The following CDK14 variants were observed in gnomAD, a reference collection of about 807,000 sequenced individuals.
The protein encoded by CDK14 is cyclin dependent kinase 14.
CDK14 carries 34 observed loss-of-function variants against 60.7 expected under a neutral mutation model. The ratio of observed to expected loss-of-function variants is 0.56; its 90% CI spans 0.43 to 0.75. The LOEUF is 0.75. Among genes scored for constraint, CDK14 ranks in the 30% least tolerant of loss-of-function variants. The pLI, the probability that CDK14 is intolerant of heterozygous loss-of-function variation, is 0.00. For missense variants in CDK14, 482 were observed against 564.1 expected, an observed-to-expected ratio of 0.85 and a Z score of 1.47; for synonymous variants, 197 against 203.7, an observed-to-expected ratio of 0.97 and a Z score of 0.28.
At chr7:90,655,551 A>G (rs900138921) in intron 2 of CDK14, among the ~76,000 whole-genome samples, 1 of 152,230 alleles carries the variant, frequency 6.6e-6, no homozygotes, top group African/African-American at 2.4e-5. Flanking sequence ...TGATCTGAGA[A>G]TTAGAGTTGA....
chr7:90,930,038 T>G (rs1051289013), intron 8 of CDK14, among the ~76,000 whole-genome samples: 2 of 152,196 alleles, frequency 1.3e-5, no homozygotes, highest in South Asian at 4.1e-4. Context: ...GATGCTCTGT[T>G]CAACAGTAAA....
At position 91,112,522 on chromosome 7, in the gene CDK14, T is replaced by A. The variant is rs1799493242; in HGVS notation, c.1155-20T>A. ...ATTTTCTTGTTTGGTCTGACCTCTC[T>A]TTTTTGCTCATGTTTTTAGGCTCAG... On this transcript the variant is annotated intron_variant, in intron 12 of 14. Coordinates refer to ENST00000380050, the MANE Select transcript of CDK14 (RefSeq NM_001287135.2). 6.2e-7 allele frequency: 1 copy of A among 1,606,820 alleles called. No homozygotes were observed. Among genetic ancestry groups the A allele is most frequent in the South Asian group, 1.1e-5 (1 of 90,444 alleles).
intron 12 of CDK14, among the ~76,000 whole-genome samples, chr7:91,105,035 C>A (rs1019206145): frequency 2.0e-5 from 3 of 152,158 alleles, no homozygotes; most frequent in Non-Finnish European, 4.4e-5. Flanking sequence ...TTCTACTACT[C>A]CTAGTACTAA....
intron 2 of CDK14, among the ~76,000 whole-genome samples, chr7:90,684,758 T>G (rs573183085): frequency 2.0e-4 from 31 of 152,168 alleles, no homozygotes; most frequent in Non-Finnish European, 2.4e-4. Flanking sequence ...GTGTTTATGG[T>G]TCTTTAAAAC....
rs866268923 is a variant in CDK14, at chr7:90,879,728, G to A, written c.639+16459G>A. Among the ~76,000 whole-genome samples the A allele has an allele frequency of 4.6e-5, 7 of 151,692 alleles. No individual in the cohort carries two copies. The South Asian group carries it at 1.5e-3, about 32-fold the overall frequency. ...CTGCACATTGTGCACATGTACCCTA[G>A]AACTTAAAGTATAATGATAAAAAAT... On this transcript the variant is annotated intron_variant, in intron 6 of 14. Transcript: ENST00000380050.
At chr7:90,928,763 C>A (rs150455604) in intron 8 of CDK14, among the ~76,000 whole-genome samples, 1 of 152,162 alleles carries the variant, frequency 6.6e-6, no homozygotes, top group East Asian at 1.9e-4. Context: ...CAGACAGGGA[C>A]GTTTAAGTCT....
At chr7:91,070,234 C>T (rs999086412) in intron 11 of CDK14, among the ~76,000 whole-genome samples, 1 of 150,736 alleles carries the variant, frequency 6.6e-6, no homozygotes, top group Non-Finnish European at 1.5e-5. Flanking sequence ...AAAATTAACT[C>T]ATTTATTTTG....
At chr7:91,086,053 G>T (rs1012503408) in intron 12 of CDK14, among the ~76,000 whole-genome samples, 1 of 152,108 alleles carries the variant, frequency 6.6e-6, no homozygotes, top group African/African-American at 2.4e-5. Context: ...CTGCCATATT[G>T]GGTGACACAA....
chr7:90,655,832 A>G (rs1016740958), intron 2 of CDK14, among the ~76,000 whole-genome samples: 8 of 152,184 alleles, frequency 5.3e-5, no homozygotes, highest in Non-Finnish European at 1.5e-5. Context: ...ACCTTTCATC[A>G]GAGACTTTGA....
chr7:91,154,064 C>T (rs191693322), intron 14 of CDK14, among the ~76,000 whole-genome samples: 1 of 152,136 alleles, frequency 6.6e-6, no homozygotes. Flanking sequence ...GAAAATAAAT[C>T]TCTTAAAGTC....
chr7:91,179,370 A>T (rs10245644), intron 14 of CDK14, among the ~76,000 whole-genome samples: 38,555 of 86,630 alleles, frequency 0.45, 7,009 homozygotes, highest in Middle Eastern at 0.54. Flanking sequence ...GGGGGGAGGG[A>T]GGAGGGATAG....
At chr7:90,895,339 T>TCCCCTCC (rs1792265297) in intron 6 of CDK14, among the ~76,000 whole-genome samples, 1 of 87,982 alleles carries the variant, frequency 1.1e-5, no homozygotes, top group African/African-American at 4.6e-5. Flanking sequence ...TCCTCTCCTC[T>TCCCCTCC]CCTCTCCTCT....
chr7:91,037,379 CAT>C (rs1250352196), intron 10 of CDK14, among the ~76,000 whole-genome samples: 3 of 152,050 alleles, frequency 2.0e-5, no homozygotes, highest in Non-Finnish European at 2.9e-5. Flanking sequence ...ACCTGCATCA[CAT>C]GTCTTATAGA....
intron 3 of CDK14, among the ~76,000 whole-genome samples, chr7:90,739,184 T>C (rs1237444480): frequency 6.6e-6 from 1 of 152,216 alleles, no homozygotes; most frequent in Non-Finnish European, 1.5e-5. Flanking sequence ...TAAGTTACAG[T>C]GTATTTCCAC....
At chr7:90,908,556 G>T (rs117354172) in intron 7 of CDK14, among the ~76,000 whole-genome samples, 3,639 of 152,202 alleles carry the variant, frequency 0.024, 52 homozygotes, top group African/African-American at 0.037. Flanking sequence ...CTTTACACTC[G>T]TCACCTTGCC....
At chr7:90,910,522 G>A (rs1562824234) in intron 7 of CDK14, among the ~76,000 whole-genome samples, 3 of 152,102 alleles carry the variant, frequency 2.0e-5, no homozygotes, top group East Asian at 1.9e-4. Context: ...TAAATGATAC[G>A]GCGTTAAATA....
At chr7:91,125,151 A>G (rs573817555) in intron 14 of CDK14, among the ~76,000 whole-genome samples, 2 of 152,250 alleles carry the variant, frequency 1.3e-5, no homozygotes, top group South Asian at 4.1e-4. Flanking sequence ...GCTGAAAACT[A>G]TTCCCGCTGT....
chr7:91,141,060 G>A (rs1394680873), intron 14 of CDK14, among the ~76,000 whole-genome samples: 1 of 152,184 alleles, frequency 6.6e-6, no homozygotes, highest in African/African-American at 2.4e-5. Context: ...ATTGGGAAAA[G>A]AGATGCAAGA....
At chr7:90,918,309 G>A (rs1282265794) in intron 8 of CDK14, among the ~76,000 whole-genome samples, 2 of 152,168 alleles carry the variant, frequency 1.3e-5, no homozygotes, top group African/African-American at 4.8e-5. Context: ...CAATATCAGT[G>A]CAAAAATAGA....
Sources: gnomAD v4.1 joint callset for allele counts (sites outside exome capture counted in the v4.1 genomes callset) on GRCh38, gnomAD v4.1.1 for gene constraint, MANE v1.5 for transcripts, NCBI Gene and HGNC (gene_info 2026-07-23, HGNC 2026-07-21) for gene names.